The following PDSS2 variants were observed in gnomAD, a reference collection of about 807,000 sequenced individuals.
PDSS2 encodes the protein all trans-polyprenyl-diphosphate synthase PDSS2.
A neutral mutation model predicts 44.5 loss-of-function variants in PDSS2; 31 were observed. That is an observed-to-expected ratio of 0.70 (90% CI 0.52 to 0.94). PDSS2 has a LOEUF of 0.94. PDSS2 is among the 40% of genes least tolerant of loss of function. PDSS2 has a pLI of 0.00. For missense variants in PDSS2, 452 were observed against 482.2 expected, an observed-to-expected ratio of 0.94 and a Z score of 0.59; for synonymous variants, 157 against 180.3, an observed-to-expected ratio of 0.87 and a Z score of 1.03.
intron 1 of PDSS2, among the ~76,000 whole-genome samples, chr6:107,388,771 T>C (rs946383110): frequency 6.6e-6 from 1 of 152,332 alleles, no homozygotes; most frequent in Non-Finnish European, 1.5e-5. Context: ...TGTGAATTTT[T>C]ATGGCAGCTT....
At chr6:107,444,952 A>G (rs572279405) in intron 1 of PDSS2, among the ~76,000 whole-genome samples, 1 of 152,190 alleles carries the variant, frequency 6.6e-6, no homozygotes, top group South Asian at 2.1e-4. Context: ...AGGAGTATTT[A>G]AACAAAAATT....
chr6:107,338,979 A>C (rs2430458), intron 1 of PDSS2, among the ~76,000 whole-genome samples: 119,966 of 152,012 alleles, frequency 0.79, 47,454 homozygotes, highest in South Asian at 0.89. Flanking sequence ...CTGGCCTGGC[A>C]TCCCTAAGTG....
At chr6:107,191,187 G>A (rs1000241221) in intron 7 of PDSS2, among the ~76,000 whole-genome samples, 1 of 152,102 alleles carries the variant, frequency 6.6e-6, no homozygotes, top group African/African-American at 2.4e-5. Flanking sequence ...CACCGTGCCC[G>A]GCCTAGAGCA....
chr6:107,355,595 C>T (rs1778575079), intron 1 of PDSS2, among the ~76,000 whole-genome samples: 1 of 152,074 alleles, frequency 6.6e-6, no homozygotes, highest in Non-Finnish European at 1.5e-5. Context: ...CTCACCACCC[C>T]AAAAAAGAAT....
intron 1 of PDSS2, among the ~76,000 whole-genome samples, chr6:107,453,201 G>C (rs1781932120): frequency 6.6e-6 from 1 of 151,892 alleles, no homozygotes; most frequent in East Asian, 1.9e-4. Flanking sequence ...CTGACCTAAG[G>C]TGATCCACCC....
chr6:107,345,810 A>C (rs1353101314), intron 1 of PDSS2, among the ~76,000 whole-genome samples: 1 of 152,226 alleles, frequency 6.6e-6, no homozygotes, highest in Non-Finnish European at 1.5e-5. Flanking sequence ...TTATTTTTCC[A>C]GAATCAACAT....
chr6:107,211,673 T>C (rs1266290173), intron 5 of PDSS2, among the ~76,000 whole-genome samples: 2 of 148,616 alleles, frequency 1.3e-5, no homozygotes, highest in Admixed American at 6.8e-5. Flanking sequence ...GAGGTTGCGT[T>C]GCAGTGAGCT....
intron 2 of PDSS2, among the ~76,000 whole-genome samples, chr6:107,296,181 G>A (rs1776501298): frequency 6.6e-6 from 1 of 152,128 alleles, no homozygotes; most frequent in African/African-American, 2.4e-5. Flanking sequence ...GAGTCATTGA[G>A]ACTTCAGGGC....
chr6:107,258,572 C>T lies in PDSS2; in HGVS notation c.631-12953G>A, dbSNP rs147856894. Reference sequence around the variant, plus strand: ...ATCCCAGCACTTTGGGAGGCCGAGGCAGGCAGATCACCTGAGGTCAGGAGT... The same window carrying T: ...ATCCCAGCACTTTGGGAGGCCGAGGTAGGCAGATCACCTGAGGTCAGGAGT... On this transcript the variant is annotated intron_variant, in intron 3 of 7. Coordinates refer to ENST00000369037, the MANE Select transcript of PDSS2 (RefSeq NM_020381.4). 0.013 allele frequency among the ~76,000 whole-genome samples: 2,035 copies of T among 152,208 alleles called. 124 individuals are homozygous for T. In the East Asian group the frequency reaches 0.2, roughly 15 times the overall value.
intron 1 of PDSS2, among the ~76,000 whole-genome samples, chr6:107,443,613 A>G (rs1327341309): frequency 1.3e-5 from 2 of 152,228 alleles, no homozygotes; most frequent in African/African-American, 4.8e-5. Context: ...TCATGGCAGA[A>G]GCAGATATTT....
chr6:107,206,689 C>A (rs1562374387), intron 6 of PDSS2, among the ~76,000 whole-genome samples: 1 of 151,730 alleles, frequency 6.6e-6, no homozygotes, highest in East Asian at 1.9e-4. Flanking sequence ...AAAAAAATTG[C>A]AAAAAAACCT....
chr6:107,172,507 C>T (rs782695544), intron 7 of PDSS2, among the ~76,000 whole-genome samples: 2 of 151,718 alleles, frequency 1.3e-5, no homozygotes, highest in Non-Finnish European at 2.9e-5. Flanking sequence ...AGTGAGCTGA[C>T]ATTGCGCCAT....
chr6:107,327,651 G>T (rs1051317230), intron 2 of PDSS2, among the ~76,000 whole-genome samples: 4 of 152,142 alleles, frequency 2.6e-5, no homozygotes, highest in Non-Finnish European at 5.9e-5. Context: ...TAGAGACAGG[G>T]TTTCACCGCC....
intron 1 of PDSS2, among the ~76,000 whole-genome samples, chr6:107,347,256 C>CTTTTTTTTTTTTTTTTTTTTTTTTTTT: frequency 1.1e-5 from 1 of 90,000 alleles, no homozygotes; most frequent in Non-Finnish European, 2.1e-5. Flanking sequence ...ATTATATCTT[C>CTTTTTTTTTTTTTTTTTTTTTTTTTTT]TTTTTTTTTT....
chr6:107,267,635 AGAAACAG>A (rs1385143820), intron 3 of PDSS2, among the ~76,000 whole-genome samples: 3 of 148,830 alleles, frequency 2.0e-5, no homozygotes, highest in African/African-American at 5.0e-5. Context: ...CCCAGGCTAG[AGAAACAG>A]TGGTGCATTC....
intron 4 of PDSS2, among the ~76,000 whole-genome samples, chr6:107,228,569 C>T (rs751606365): frequency 1.3e-5 from 2 of 152,028 alleles, no homozygotes; most frequent in Non-Finnish European, 2.9e-5. Context: ...GTGGCAAGCG[C>T]CTATAATCCC....
At chr6:107,364,463 C>T (rs1778898048) in intron 1 of PDSS2, among the ~76,000 whole-genome samples, 1 of 152,370 alleles carries the variant, frequency 6.6e-6, no homozygotes, top group Admixed American at 6.5e-5. Context: ...GGACTCAGTA[C>T]ACCCTCCGCA....
intron 2 of PDSS2, among the ~76,000 whole-genome samples, chr6:107,326,894 G>T (rs955495361): frequency 6.6e-6 from 1 of 151,870 alleles, no homozygotes; most frequent in Non-Finnish European, 1.5e-5. Flanking sequence ...GAATTGGTAT[G>T]CTTTAAAATT....
intron 4 of PDSS2, among the ~76,000 whole-genome samples, chr6:107,218,201 C>G (rs1223172168): frequency 6.6e-6 from 1 of 152,134 alleles, no homozygotes; most frequent in African/African-American, 2.4e-5. Flanking sequence ...ATATTTGGCT[C>G]TCTATACATT....
Sources: gnomAD v4.1 joint callset for allele counts (sites outside exome capture counted in the v4.1 genomes callset) on GRCh38, gnomAD v4.1.1 for gene constraint, MANE v1.5 for transcripts, NCBI Gene and HGNC (gene_info 2026-07-23, HGNC 2026-07-21) for gene names.